Variants in CD5 observed in about 807,000 individuals in gnomAD.
CD5 encodes T-cell surface glycoprotein CD5.
A neutral mutation model predicts 60.3 loss-of-function variants in CD5; 36 were observed. That is an observed-to-expected ratio of 0.60 (90% CI 0.46 to 0.79). CD5 has a LOEUF of 0.79. Among genes scored for constraint, CD5 ranks in the 30% least tolerant of loss-of-function variants. The pLI is 0.00. For missense variants in CD5, 540 were observed against 630.6 expected (o/e 0.86, Z 1.54); for synonymous variants, 230 against 257.6 (o/e 0.89, Z 1.03).
intron 2 of CD5, among the ~76,000 whole-genome samples, chr11:61,116,277 T>C (rs1860943017): frequency 6.6e-6 from 1 of 151,998 alleles, no homozygotes; most frequent in Non-Finnish European, 1.5e-5. Flanking sequence ...TCTATTCCCG[T>C]CTATCCCAGT....
chr11:61,097,600 GGGCAGGTAGTTGTGTTATT>G (rs1860602523), upstream of CD5, among the ~76,000 whole-genome samples: 1 of 152,288 alleles, frequency 6.6e-6, no homozygotes, highest in African/African-American at 2.4e-5. Context: ...CCTGACCACT[GGGCAGGTAGTTGTGTTATT>G]GGCACTATTA....
At chr11:61,121,491 C>T in intron 5 of CD5, 120 bp from the exon 6 acceptor site, 2 of 771,698 alleles carry the variant, frequency 2.6e-6, no homozygotes, top group Non-Finnish European at 3.8e-6. Context: ...TCCTGGTGGT[C>T]CCACACAGTG....
intron 10 of CD5, 56 bp downstream of exon 10, chr11:61,125,897 G>T: frequency 8.0e-7 from 1 of 1,245,280 alleles, no homozygotes. Context: ...AGTCCTGGGG[G>T]TGAGCAGCAG....
the CD5 span, among the ~76,000 whole-genome samples, chr11:61,094,461 G>C: frequency 6.6e-6 from 1 of 152,094 alleles, no homozygotes; most frequent in South Asian, 2.1e-4. Context: ...TTGGGAACTT[G>C]CCTACTCCAT....
intron 2 of CD5, among the ~76,000 whole-genome samples, chr11:61,116,572 C>CAT: frequency 1.4e-5 from 1 of 71,098 alleles, no homozygotes; most frequent in Middle Eastern, 0.01. Context: ...CACACACACA[C>CAT]CACACACACC....
At position 61,102,572 on chromosome 11, in the gene CD5, G is replaced by A. The variant is rs771350300; in HGVS notation, c.12G>A (p.Gly4=). ...GAAGGCCAGAAACCATGCCCATGGG[G>A]TCTCTGCAACCGCTGGCCACCTTGT... MPM[G]SLQPLATLYL... The change falls in exon 1 of 11, where the codon GGG becomes GGA. Residue 4 remains glycine, a synonymous_variant. Transcript: ENST00000347785. 1.5e-5 allele frequency: 24 copies of A among 1,589,202 alleles called. No homozygotes were observed. The highest frequency in any genetic ancestry group is 1.2e-5 in the Non-Finnish European group (14 of 1,167,126).
At chr11:61,112,200 T>C (rs2134599044) in intron 1 of CD5, among the ~76,000 whole-genome samples, 1 of 152,230 alleles carries the variant, frequency 6.6e-6, no homozygotes, top group East Asian at 1.9e-4. Flanking sequence ...ACTGCCCTGC[T>C]CCTGATGGGC....
At chr11:61,124,946 AG>A in intron 8 of CD5, 85 bp from the exon 9 acceptor site, 1 of 1,535,708 alleles carries the variant, frequency 6.5e-7, no homozygotes, top group Non-Finnish European at 9.0e-7. Flanking sequence ...TCATGGGAAT[AG>A]GAGATTAAAG....
the CD5 span, among the ~76,000 whole-genome samples, chr11:61,094,456 A>C: frequency 6.6e-6 from 1 of 151,910 alleles, no homozygotes; most frequent in Non-Finnish European, 1.5e-5. Flanking sequence ...TGGTCTTGGG[A>C]ACTTGCCTAC....
At position 61,102,576 on chromosome 11, in the gene CD5, C is replaced by T. The variant is rs774702266; in HGVS notation, c.16C>T (p.Leu6=). 1.0e-5 allele frequency: 16 copies of T among 1,590,512 alleles called. No homozygotes were observed. Among genetic ancestry groups the T allele is most frequent in the Non-Finnish European group, 1.4e-5 (16 of 1,167,856 alleles). MPMGS[L]QPLATLYLLG... ...GCCAGAAACCATGCCCATGGGGTCT[C>T]TGCAACCGCTGGCCACCTTGTACCT... Residue 6 remains leucine, a synonymous_variant, in exon 1 of 11, where the codon CTG becomes TTG. Coordinates refer to ENST00000347785, the MANE Select transcript of CD5 (RefSeq NM_014207.4).
In CD5 at chr11:61,125,801, G is replaced by A. The variant is rs548103416; in HGVS notation, c.1450G>A (p.Asp484Asn). The A allele has an allele frequency of 5.3e-5, 85 of 1,612,670 alleles. No homozygotes were observed. Among genetic ancestry groups the A allele is most frequent in the East Asian group, 5.1e-4 (23 of 44,788 alleles). The change falls in exon 10 of 11, where the codon GAC becomes AAC. Residue 484 changes from aspartate to asparagine, a missense_variant. Asp to Asn is a conservative substitution (Grantham distance 23, BLOSUM62 1). Coordinates refer to ENST00000347785, the MANE Select transcript of CD5 (RefSeq NM_014207.4). ...RSSMQPDNSS[D>N]SDYDLHGAQR... ...CTCCATGCAGCCTGACAACTCCTCCGACAGTGACTATGATCTGCATGGGGC... is the reference window on the plus strand; with the variant it reads ...CTCCATGCAGCCTGACAACTCCTCCAACAGTGACTATGATCTGCATGGGGC...
intron 2 of CD5, among the ~76,000 whole-genome samples, chr11:61,115,992 C>T (rs1860936538): frequency 6.6e-6 from 1 of 152,204 alleles, no homozygotes; most frequent in Non-Finnish European, 1.5e-5. Flanking sequence ...GCAAATCACC[C>T]CACCAATGTT....
upstream of CD5, chr11:61,102,315 C>G: frequency 5.3e-6 from 3 of 562,064 alleles, no homozygotes; most frequent in Non-Finnish European, 9.6e-6. Context: ...CCCTGGGTAC[C>G]TTGGGCAGGA....
intron 1 of CD5, among the ~76,000 whole-genome samples, chr11:61,114,662 A>C (rs1369223826): frequency 6.6e-6 from 1 of 152,044 alleles, no homozygotes; most frequent in African/African-American, 2.4e-5. Flanking sequence ...AATAATAATA[A>C]TTGATGGTTA....
chr11:61,099,899 GATCACACACACATCAACAT>G (rs1860636927), upstream of CD5, among the ~76,000 whole-genome samples: 1 of 147,712 alleles, frequency 6.8e-6, no homozygotes, highest in Non-Finnish European at 1.5e-5. Context: ...TCAACATGGA[GATCACACACACATCAACAT>G]GGAGATCACA....
At chr11:61,102,440 T>TCC, upstream of CD5, 1 of 507,684 alleles carries the variant, frequency 2.0e-6, no homozygotes, top group Non-Finnish European at 3.6e-6. Flanking sequence ...CTGCTCCCCG[T>TCC]CCCACCCCTC....
At chr11:61,120,544 TTG>T (rs1861042920) in intron 5 of CD5, among the ~76,000 whole-genome samples, 1 of 152,228 alleles carries the variant, frequency 6.6e-6, no homozygotes, top group African/African-American at 2.4e-5. Flanking sequence ...TATCTGAGCC[TTG>T]GTGACTCAGT....
In CD5 at chr11:61,118,682, T is replaced by G. The variant is rs564002192; in HGVS notation, c.400+202T>G. Among the ~76,000 whole-genome samples the G allele has an allele frequency of 2.6e-5, 4 of 152,224 alleles. No homozygotes were observed. Among genetic ancestry groups the G allele is most frequent in the Non-Finnish European group, 5.9e-5 (4 of 68,032 alleles). ...ATCTGTAGGATGGCAATGGAGGACC[T>G]AGTTCTGCCAATCACTGACTTCATC... On this transcript the variant is annotated intron_variant, in intron 3 of 10. Coordinates refer to ENST00000347785, the MANE Select transcript of CD5 (RefSeq NM_014207.4). This position sits in a 1 kb window ranked among gnomAD's most constrained non-coding sequence, Gnocchi z 4.7.
At position 61,106,457 on chromosome 11, in the gene CD5, G is replaced by A. The variant is rs548058444; in HGVS notation, c.55+3842G>A. On this transcript the variant is annotated intron_variant, in intron 1 of 10. Transcript: ENST00000347785. ...CAGGGCAGCAGGCCCACTGTCCCAGGCTGGGCGAGGCCCTGGTTGGATCAT... is the reference window on the plus strand; with the variant it reads ...CAGGGCAGCAGGCCCACTGTCCCAGACTGGGCGAGGCCCTGGTTGGATCAT... Among the ~76,000 whole-genome samples the A allele has an allele frequency of 1.5e-4, 23 of 152,296 alleles. No homozygotes were observed. In the South Asian group the frequency reaches 4.4e-3, roughly 29 times the overall value.
Sources: allele counts gnomAD v4.1 joint callset (sites outside exome capture counted in the v4.1 genomes callset), GRCh38; gene constraint gnomAD v4.1.1; non-coding constraint Gnocchi (gnomAD v3.1); transcripts MANE v1.5; gene names NCBI Gene and HGNC (gene_info 2026-07-23, HGNC 2026-07-21).